PLD2: variants seen among roughly 807,000 people sequenced by gnomAD.
PLD2 encodes the protein phospholipase D2, also known as choline phosphatase 2.
Under a neutral mutation model 119.8 loss-of-function variants are expected in PLD2, and 101 were observed. The ratio of observed to expected loss-of-function variants is 0.84; its 90% CI spans 0.72 to 0.99. The LOEUF (loss-of-function observed/expected upper bound fraction) is 0.99, where lower values mean the gene tolerates loss of function less well. Among genes scored for constraint, PLD2 ranks in the 50% least tolerant of loss-of-function variants. PLD2 has a pLI of 0.00. For missense variants in PLD2, 1,164 were observed against 1,226.8 expected (o/e 0.95, Z 0.76); for synonymous variants, 494 against 482.8 (o/e 1.02, Z -0.30).
chr17:4,808,733 G>A lies in PLD2; in HGVS notation c.383+317G>A, dbSNP rs1906129494. ...GTTTTTTGTTTTTGTTTTGTACAAGGTCTCCCTCTGTCACCCAGGCTAGAG... is the reference window on the plus strand; with the variant it reads ...GTTTTTTGTTTTTGTTTTGTACAAGATCTCCCTCTGTCACCCAGGCTAGAG... On this transcript the variant is annotated intron_variant, in intron 4 of 24. Transcript: ENST00000263088. The surrounding 1 kb of genome is among the most constrained non-coding windows in gnomAD (Gnocchi z 4.1). Among the ~76,000 whole-genome samples, 1 of 152,002 alleles carries A rather than the reference G, an allele frequency of 6.6e-6. No homozygotes were observed. Among genetic ancestry groups the A allele is most frequent in the Admixed American group, 6.6e-5 (1 of 15,256 alleles).
rs750067639 is a variant in PLD2 at position 4,808,448 on chromosome 17, G to A, written c.383+32G>A. ...GCGACCGGACTGCTTCCTGTAGAGG[G>A]CAGGTGCTCCCCACCCTCCTTTCTG... On this transcript the variant is annotated intron_variant, in intron 4 of 24. Coordinates refer to ENST00000263088, the MANE Select transcript of PLD2 (RefSeq NM_002663.5). This position sits in a 1 kb window ranked among gnomAD's most constrained non-coding sequence, Gnocchi z 4.1. 1.2e-6 allele frequency: 2 copies of A among 1,603,336 alleles called. No homozygotes were observed. The highest frequency in any genetic ancestry group is 1.7e-5 in the Admixed American group (1 of 59,308).
chr17:4,810,072 C>T, intron 9 of PLD2, 43 bp downstream of exon 9: 1 of 1,597,366 alleles, frequency 6.3e-7, no homozygotes, highest in Non-Finnish European at 8.5e-7. Flanking sequence ...GAGTGGTGAG[C>T]CCACCCACGG....
chr17:4,809,621 G>A, intron 7 of PLD2, 70 bp downstream of exon 7: 9 of 1,609,030 alleles, frequency 5.6e-6, no homozygotes, highest in Non-Finnish European at 7.7e-6. Context: ...CCTGAGATTG[G>A]GGCAAGCAGT....
In PLD2 at chr17:4,812,528, C is replaced by T. The variant is rs905321454; in HGVS notation, c.1010+1577C>T. ...CAGGATGGTCTCGATCTCCTGACTTCGTGATCTGCCCACCTCGGCCTCCCA... is the reference window on the plus strand; with the variant it reads ...CAGGATGGTCTCGATCTCCTGACTTTGTGATCTGCCCACCTCGGCCTCCCA... On this transcript the variant is annotated intron_variant, in intron 10 of 24. Transcript: ENST00000263088. Among the ~76,000 whole-genome samples, 33 of 151,610 alleles carry T rather than the reference C, an allele frequency of 2.2e-4. 1 individual carries two copies. Among genetic ancestry groups the T allele is most frequent in the Non-Finnish European group, 4.4e-5 (3 of 67,902 alleles).
chr17:4,809,161 C>T lies in PLD2; in HGVS notation c.445C>T (p.Arg149Trp), dbSNP rs141836960. ...AGNREMPSLP[R>W]AGPEGSTRHA... ...CAACAGAGAGATGCCCTCTCTACCC[C>T]GGGCAGGTCCTGAGGGCTCCACCAG... The change falls in exon 5 of 25, where the codon CGG becomes TGG. Residue 149 changes from arginine (R) to tryptophan (W), a missense_variant. Arg to Trp is a moderately radical substitution (Grantham distance 101). Transcript: ENST00000263088. 9.3e-6 allele frequency: 15 copies of T among 1,614,046 alleles called. No homozygotes were observed. The highest frequency in any genetic ancestry group is 6.7e-5 in the African/African-American group (5 of 74,930).
chr17:4,814,359 C>A, intron 10 of PLD2, 59 bp from the exon 11 acceptor site: 1 of 1,558,912 alleles, frequency 6.4e-7, no homozygotes, highest in South Asian at 1.2e-5. Context: ...CCGGTCTTCA[C>A]TCTCCAGAGC....
intron 15 of PLD2, 37 bp from the exon 16 acceptor site, chr17:4,816,900 C>A: frequency 6.3e-7 from 1 of 1,588,720 alleles, no homozygotes; most frequent in Non-Finnish European, 8.6e-7. Flanking sequence ...AGGAGTCCAG[C>A]CCTGACATCT....
intron 10 of PLD2, among the ~76,000 whole-genome samples, chr17:4,811,386 T>C (rs1229201727): frequency 6.6e-6 from 1 of 150,400 alleles, no homozygotes; most frequent in East Asian, 2.0e-4. Context: ...AAGCGATTCT[T>C]CTGCCTCAGC....
intron 23 of PLD2, 197 bp from the exon 24 acceptor site, chr17:4,821,596 T>TA (rs1268178384): frequency 1.4e-5 from 6 of 432,304 alleles, no homozygotes; most frequent in Non-Finnish European, 2.5e-5. Context: ...GGTTTTGCCA[T>TA]ATTGCCCAGG....
At position 4,810,817 on chromosome 17, in the gene PLD2, G is replaced by A; in HGVS notation, c.876G>A (p.Lys292=). The A allele has an allele frequency of 6.2e-7, 1 of 1,612,952 alleles. No homozygotes were observed. Among genetic ancestry groups the A allele is most frequent in the Non-Finnish European group, 8.5e-7 (1 of 1,179,416 alleles). Residue 292 remains lysine (K), a synonymous_variant, in exon 10 of 25, where the codon AAG becomes AAA. Transcript: ENST00000263088. ...TCCCATCCAGGTCCTTGATTCTCAA[G>A]TGCAGCAGCTACCGGCAGGCACGGT... ...IDTSHRSLIL[K]CSSYRQARWW...
intron 17 of PLD2, among the ~76,000 whole-genome samples, chr17:4,817,733 C>T (rs1004500929): frequency 1.3e-4 from 20 of 151,278 alleles, no homozygotes; most frequent in African/African-American, 4.4e-4. Flanking sequence ...CCGAGGCAGG[C>T]GGATCACGAG....
In PLD2 at chr17:4,817,038, C is replaced by T. The variant is rs376037007; in HGVS notation, c.1684C>T (p.Arg562Cys). The T allele has an allele frequency of 2.2e-5, 36 of 1,613,656 alleles. No homozygotes were observed. Among genetic ancestry groups the T allele is most frequent in the Admixed American group, 3.3e-5 (2 of 60,002 alleles). ...ARDLARHFIQ[R>C]WNFTKTTKAK... ...GGACCTTGCCCGGCACTTCATCCAG[C>T]GCTGGAACTTCACCAAGGTGTTCAT... is the stretch of plus-strand genomic sequence containing the variant. Residue 562 changes from arginine to cysteine, a missense_variant, in exon 16 of 25, where the codon CGC becomes TGC. Arg to Cys is a radical substitution (Grantham distance 180). Transcript: ENST00000263088.
chr17:4,817,287 C>A, intron 17 of PLD2, 28 bp downstream of exon 17: 1 of 1,408,566 alleles, frequency 7.1e-7, no homozygotes. Flanking sequence ...AGCCAGCCCT[C>A]CCCTTTGTCT....
intron 23 of PLD2, among the ~76,000 whole-genome samples, chr17:4,821,462 C>T (rs1050150982): frequency 3.9e-5 from 6 of 151,970 alleles, no homozygotes; most frequent in Non-Finnish European, 8.8e-5. Context: ...GGCGTTACCA[C>T]GGCTCACTGC....
Position 4,814,700 on chromosome 17 carries a change from A to G in PLD2, c.1162A>G (p.Lys388Glu). The change falls in exon 12 of 25, where the codon AAG becomes GAG. Residue 388 changes from lysine to glutamate, a missense_variant. Transcript: ENST00000263088. The part of the protein sequence containing the change: ...SDDWRLDIML[K>E]RKAEEGVRVS... Reference sequence around the variant, plus strand: ...TGACTGGAGACTGGACATTATGCTCAAGAGGAAGGCGGTGAGGAGAGTGGT... The same window carrying G: ...TGACTGGAGACTGGACATTATGCTCGAGAGGAAGGCGGTGAGGAGAGTGGT... The G allele has an allele frequency of 1.2e-6, 2 of 1,613,642 alleles. No individual in the cohort carries two copies. The highest frequency in any genetic ancestry group is 1.7e-5 in the Admixed American group (1 of 59,968).
In PLD2 at chr17:4,822,689, G is replaced by C. The variant is rs145569527; in HGVS notation, c.2627G>C (p.Arg876Pro). 6.2e-7 allele frequency: 1 copy of C among 1,613,934 alleles called. No homozygotes were observed. Among genetic ancestry groups the C allele is most frequent in the Non-Finnish European group, 8.5e-7 (1 of 1,180,016 alleles). ...GCCACGCGTTCCCTGCGGACTCTCCGGGAGTACGTGGCCGTGGAGCCCTTG... is the reference window on the plus strand; with the variant it reads ...GCCACGCGTTCCCTGCGGACTCTCCCGGAGTACGTGGCCGTGGAGCCCTTG... ...SNATRSLRTL[R>P]EYVAVEPLAT... Residue 876 changes from arginine to proline, a missense_variant, in exon 25 of 25, where the codon CGG becomes CCG. Coordinates refer to ENST00000263088, the MANE Select transcript of PLD2 (RefSeq NM_002663.5).
chr17:4,822,447 G>A (rs1042216916), intron 24 of PLD2, among the ~76,000 whole-genome samples, 193 bp from the exon 25 acceptor site: 2 of 150,566 alleles, frequency 1.3e-5, no homozygotes, highest in South Asian at 2.1e-4. Context: ...AGCCGAGATC[G>A]CACCATTGCA....
rs1170820737 is a variant in PLD2 at position 4,823,086 on chromosome 17, TC to T, written c.*228del. On this transcript the variant is annotated 3_prime_UTR_variant, in exon 25 of 25. Transcript: ENST00000263088. ...GAGGAGGAGAGAGTCCCAGAGCTCA[TC>T]CCCCCTGCTGCCCAGTGCAAACCAC... The T allele has an allele frequency of 2.8e-5, 15 of 540,752 alleles. No individual in the cohort carries two copies. The highest frequency in any genetic ancestry group is 4.6e-5 in the Non-Finnish European group (14 of 303,096). The allele number at this position is 540,752 out of a possible 1,614,324, so 33.5% of individuals were successfully genotyped here. A position where few individuals can be genotyped will look rare whatever the true frequency, so the allele number is the denominator to read the frequency against.
In PLD2 at chr17:4,819,660, C is replaced by A; in HGVS notation, c.2462+78C>A. On this transcript the variant is annotated intron_variant, in intron 23 of 24. Coordinates refer to ENST00000263088, the MANE Select transcript of PLD2 (RefSeq NM_002663.5). The surrounding 1 kb of genome is among the most constrained non-coding windows in gnomAD (Gnocchi z 4.2). ...TTTTGAGCAGGACAAGAGGTAGCAC[C>A]GCATAGGTACTCCCGGAGCCAGAGG... The A allele has an allele frequency of 7.4e-7, 1 of 1,352,598 alleles. No individual in the cohort carries two copies. Among genetic ancestry groups the A allele is most frequent in the Non-Finnish European group, 1.0e-6 (1 of 985,818 alleles). The allele number at this position is 1,352,598 out of a possible 1,614,324, so 83.8% of individuals were successfully genotyped here.
Sources: gnomAD v4.1 joint callset for allele counts (sites outside exome capture counted in the v4.1 genomes callset) on GRCh38, gnomAD v4.1.1 for gene constraint, Gnocchi (gnomAD v3.1) non-coding constraint, MANE v1.5 for transcripts, NCBI Gene and HGNC (gene_info 2026-07-23, HGNC 2026-07-21) for gene names.